The following CD99 variants were observed in gnomAD, a reference collection of about 807,000 sequenced individuals.
CD99 encodes the protein CD99 molecule (Xg blood group).
Under a neutral mutation model 28.4 loss-of-function variants are expected in CD99, and 19 were observed. The ratio of observed to expected loss-of-function variants is 0.67; its 90% CI spans 0.47 to 0.98. The LOEUF (loss-of-function observed/expected upper bound fraction) is 0.98, where lower values mean the gene tolerates loss of function less well. CD99 is among the 50% of genes least tolerant of loss of function. CD99 has a pLI of 0.00. For synonymous variants in CD99, 103 were observed against 92.1 expected, an observed-to-expected ratio of 1.12 and a Z score of -0.67; for missense variants, 283 against 248.8, an observed-to-expected ratio of 1.14 and a Z score of -0.92.
At chrX:2,697,174 T>TATA (rs1421046417) in intron 1 of CD99, among the ~76,000 whole-genome samples, 11 of 152,068 alleles carry the variant, frequency 7.2e-5, no homozygotes, top group Admixed American at 6.5e-4. Context: ...TGGGCTGAGA[T>TATA]ATAATATATG....
intron 1 of CD99, among the ~76,000 whole-genome samples, chrX:2,707,194 G>A (rs372034956): frequency 6.6e-6 from 1 of 152,080 alleles, no homozygotes; most frequent in Non-Finnish European, 1.5e-5. Flanking sequence ...GCTGGATGTG[G>A]TGGCACATGC....
intron 1 of CD99, among the ~76,000 whole-genome samples, chrX:2,709,410 A>G (rs958086136): frequency 5.3e-5 from 8 of 152,248 alleles, no homozygotes; most frequent in Non-Finnish European, 1.2e-4. Flanking sequence ...ACACAGGCAA[A>G]CACGCAGACA....
chrX:2,737,628 G>A (rs751073348), intron 8 of CD99, among the ~76,000 whole-genome samples: 15 of 151,880 alleles, frequency 9.9e-5, no homozygotes, highest in Admixed American at 2.6e-4. Context: ...CCGAGTAGCT[G>A]GGAGTATAGG....
intron 8 of CD99, among the ~76,000 whole-genome samples, chrX:2,735,637 A>G (rs1453368133): frequency 6.6e-6 from 1 of 152,212 alleles, no homozygotes; most frequent in African/African-American, 2.4e-5. Flanking sequence ...GTCCTCTGAA[A>G]TGAATGCAGG....
At chrX:2,720,004 A>G (rs1295273109) in intron 4 of CD99, among the ~76,000 whole-genome samples, 5 of 152,126 alleles carry the variant, frequency 3.3e-5, no homozygotes, top group African/African-American at 1.2e-4. Context: ...ACAGGACCCC[A>G]TGGCATGTTG....
At chrX:2,733,372 G>C (rs1382732510) in intron 8 of CD99, 4 of 1,592,212 alleles carry the variant, frequency 2.5e-6, no homozygotes, top group South Asian at 2.3e-5. Flanking sequence ...TGAAGACCTA[G>C]GGGTGAGCAG....
chrX:2,711,392 A>G (rs1827662053), intron 1 of CD99, among the ~76,000 whole-genome samples: 1 of 137,744 alleles, frequency 7.3e-6, no homozygotes, highest in African/African-American at 2.9e-5. Context: ...TAGTATGTGT[A>G]TATATAGTAT....
In CD99 at chrX:2,712,737, T is replaced by C. The variant is rs776810924; in HGVS notation, c.68-1685T>C. ...CCGAGCGTTTTGTCTACTTTCTACT[T>C]ATTGTTGACACACACAGAAACACAC... On this transcript the variant is annotated intron_variant, in intron 1 of 9. Transcript: ENST00000381192. Among the ~76,000 whole-genome samples, 3 of 152,154 alleles carry C rather than the reference T, an allele frequency of 2.0e-5. No homozygotes were observed. The East Asian group carries it at 5.8e-4, about 29-fold the overall frequency.
intron 8 of CD99, among the ~76,000 whole-genome samples, chrX:2,734,411 A>T (rs1403495993): frequency 5.3e-5 from 8 of 151,714 alleles, no homozygotes; most frequent in Non-Finnish European, 1.0e-4. Flanking sequence ...GGTTCAAGCG[A>T]TTCTCCTGCC....
intron 8 of CD99, 37 bp from the exon 9 acceptor site, chrX:2,738,163 C>G: frequency 1.3e-6 from 2 of 1,588,456 alleles, no homozygotes; most frequent in East Asian, 2.2e-5. Flanking sequence ...TTATCTGTTG[C>G]ACTGAGCCTC....
rs747588808 is a variant in CD99, at chrX:2,716,712, G to A, written c.101-893G>A. Among the ~76,000 whole-genome samples, 62 of 152,260 alleles carry A rather than the reference G, an allele frequency of 4.1e-4. No homozygotes were observed. The South Asian group carries it at 0.011, about 27-fold the overall frequency. On this transcript the variant is annotated intron_variant, in intron 2 of 9. Transcript: ENST00000381192. ...GTGGTGCAGTGCAGATGGTTTGAGC[G>A]GAAACAGTGCTGATGGGGATCATCT...
At chrX:2,729,646 C>G (rs1329845103) in intron 8 of CD99, among the ~76,000 whole-genome samples, 1 of 152,042 alleles carries the variant, frequency 6.6e-6, no homozygotes, top group Non-Finnish European at 1.5e-5. Flanking sequence ...TGGGAAAGCA[C>G]CCAGGAGGCT....
chrX:2,696,511 C>G (rs55687361), intron 1 of CD99, among the ~76,000 whole-genome samples: 70 of 152,274 alleles, frequency 4.6e-4, no homozygotes, highest in Non-Finnish European at 8.5e-4. Context: ...AGCAATTCTC[C>G]TGTCTCAGCC....
chrX:2,736,355 CTTCT>C (rs202227980), intron 8 of CD99, among the ~76,000 whole-genome samples: 1,565 of 152,152 alleles, frequency 0.01, 11 homozygotes, highest in Non-Finnish European at 0.016. Flanking sequence ...ATTCGATGAG[CTTCT>C]GCTGCTTCCC....
intron 8 of CD99, chrX:2,737,849 C>T (rs2050022723): frequency 2.3e-6 from 1 of 438,218 alleles, no homozygotes; most frequent in Non-Finnish European, 4.3e-6. Context: ...ATCTTATTTT[C>T]ACAGATGCAC....
In CD99 at chrX:2,741,079, A is replaced by ATT. The variant is rs2050167495; in HGVS notation, c.*276_*277dup. On this transcript the variant is annotated 3_prime_UTR_variant, in exon 10 of 10. Coordinates refer to ENST00000381192, the MANE Select transcript of CD99 (RefSeq NM_002414.5). ...CATGGGATGTGAAAGGCTGGCCATT[A>ATT]TTAAGTCCCTGTAACTCAAATGTCA... The ATT allele has an allele frequency of 1.9e-6, 1 of 514,300 alleles. No individual in the cohort carries two copies. Among genetic ancestry groups the ATT allele is most frequent in the African/African-American group, 1.9e-5 (1 of 52,254 alleles). The allele number at this position is 514,300 out of a possible 1,614,324, so 31.9% of individuals were successfully genotyped here.
At chrX:2,709,203 A>ATG (rs1556309636) in intron 1 of CD99, among the ~76,000 whole-genome samples, 4 of 149,284 alleles carry the variant, frequency 2.7e-5, no homozygotes, top group Non-Finnish European at 6.0e-5. Context: ...ACAGGCACAT[A>ATG]CATGCATGCA....
chrX:2,705,874 CCTCCT>C (rs1319649191), intron 1 of CD99, among the ~76,000 whole-genome samples: 2 of 152,098 alleles, frequency 1.3e-5, no homozygotes, highest in Non-Finnish European at 2.9e-5. Flanking sequence ...GTATCAGCTG[CCTCCT>C]GCTATTCCCA....
chrX:2,696,250 T>G (rs1263861073), intron 1 of CD99, among the ~76,000 whole-genome samples: 2 of 152,022 alleles, frequency 1.3e-5, no homozygotes, highest in East Asian at 3.8e-4. Flanking sequence ...CAGGCCCATG[T>G]GGATTTTCTG....
Sources: gnomAD v4.1 joint callset for allele counts (sites outside exome capture counted in the v4.1 genomes callset) on GRCh38, gnomAD v4.1.1 for gene constraint, MANE v1.5 for transcripts, NCBI Gene and HGNC (gene_info 2026-07-23, HGNC 2026-07-21) for gene names.